The following C10orf90 variants were observed in gnomAD, a reference collection of about 807,000 sequenced individuals.
The protein encoded by C10orf90 is chromosome 10 open reading frame 90.
In C10orf90, 56 loss-of-function variants were observed where a neutral mutation model predicts 62.5. That is an observed-to-expected ratio of 0.90 (90% confidence interval 0.72 to 1.12). The LOEUF is 1.12. C10orf90 is among the 50% of genes most tolerant of loss of function. The pLI, the probability that C10orf90 is intolerant of heterozygous loss-of-function variation, is 0.00. For synonymous variants in C10orf90, 386 were observed against 340.4 expected (o/e 1.13, Z -1.47); for missense variants, 970 against 880.4 (o/e 1.10, Z -1.29).
intron 1 of C10orf90, among the ~76,000 whole-genome samples, chr10:126,661,074 C>T (rs745912959): frequency 2.0e-5 from 3 of 152,192 alleles, no homozygotes; most frequent in Non-Finnish European, 2.9e-5. Flanking sequence ...ACTCCTCCCC[C>T]ACATTCTTTC....
At chr10:126,536,567 T>A (rs983409734) in intron 2 of C10orf90, among the ~76,000 whole-genome samples, 3 of 152,106 alleles carry the variant, frequency 2.0e-5, no homozygotes, top group African/African-American at 4.8e-5. Flanking sequence ...CCAGACTGCC[T>A]GACTCCAGAC....
intron 4 of C10orf90, among the ~76,000 whole-genome samples, chr10:126,468,242 T>A (rs983573505): frequency 2.0e-5 from 3 of 152,146 alleles, no homozygotes; most frequent in Admixed American, 6.5e-5. Context: ...CTAATTTTTG[T>A]ATTTTTAGTG....
At chr10:126,621,188 G>A (rs544876801) in intron 2 of C10orf90, among the ~76,000 whole-genome samples, 56 of 152,160 alleles carry the variant, frequency 3.7e-4, no homozygotes, top group Middle Eastern at 3.4e-3. Context: ...TGGACTCTAC[G>A]ACTTTACATA....
chr10:126,496,584 T>G, intron 4 of C10orf90: 1 of 854,556 alleles, frequency 1.2e-6, no homozygotes, highest in Non-Finnish European at 1.4e-6. Flanking sequence ...TTTGAGACAT[T>G]TCCCCCGCCA....
intron 1 of C10orf90, among the ~76,000 whole-genome samples, chr10:126,649,009 GAT>G (rs1483362829): frequency 2.5e-4 from 34 of 137,496 alleles, no homozygotes; most frequent in Non-Finnish European, 3.5e-4. Context: ...GATCACAGAT[GAT>G]ATCTCTCTCT....
chr10:126,646,126 A>G (rs1436562592), intron 2 of C10orf90, among the ~76,000 whole-genome samples: 1 of 152,226 alleles, frequency 6.6e-6, no homozygotes, highest in Non-Finnish European at 1.5e-5. Context: ...TAACCATCTC[A>G]CCTAGCGTTT....
intron 2 of C10orf90, chr10:126,521,150 GC>G (rs1863721993): frequency 1.3e-6 from 1 of 786,784 alleles, no homozygotes; most frequent in Non-Finnish European, 2.0e-6. Flanking sequence ...CCCCAAGTTG[GC>G]CCAGGTCTTT....
intron 7 of C10orf90, among the ~76,000 whole-genome samples, chr10:126,443,820 C>A (rs1858561088): frequency 6.6e-6 from 1 of 151,988 alleles, no homozygotes; most frequent in African/African-American, 2.4e-5. Context: ...AAAAGATAAG[C>A]CACTATGATC....
intron 7 of C10orf90, among the ~76,000 whole-genome samples, chr10:126,455,146 C>T (rs539172634): frequency 6.6e-6 from 1 of 152,158 alleles, no homozygotes; most frequent in Non-Finnish European, 1.5e-5. Context: ...CTACCAGCTC[C>T]CAGCCTTGCT....
chr10:126,640,274 A>G (rs1037545801), intron 2 of C10orf90, among the ~76,000 whole-genome samples: 1 of 152,256 alleles, frequency 6.6e-6, no homozygotes, highest in African/African-American at 2.4e-5. Flanking sequence ...GGAGCAGGTC[A>G]GAAGCCTGTT....
intron 2 of C10orf90, chr10:126,521,390 G>T (rs4962342): frequency 0.86 from 1,379,873 of 1,609,092 alleles, 592,387 homozygotes; most frequent in African/African-American, 0.96. Context: ...TGTATTTGGC[G>T]ACATGAAAGA....
At chr10:126,632,632 T>G (rs1010746843) in intron 2 of C10orf90, among the ~76,000 whole-genome samples, 2 of 152,072 alleles carry the variant, frequency 1.3e-5, no homozygotes, top group African/African-American at 4.8e-5. Context: ...AGCATGGCAA[T>G]AGGGGCTCCA....
At chr10:126,485,977 T>G (rs1323899814) in intron 4 of C10orf90, among the ~76,000 whole-genome samples, 1 of 151,276 alleles carries the variant, frequency 6.6e-6, no homozygotes, top group African/African-American at 2.4e-5. Context: ...GAAATAAGTA[T>G]AAAGACATGT....
At position 126,504,848 on chromosome 10, in the gene C10orf90, G is replaced by C. The variant is rs760475354; in HGVS notation, c.643C>G (p.Pro215Ala). The C allele has an allele frequency of 2.8e-5, 45 of 1,610,606 alleles. No individual in the cohort carries two copies. The East Asian group carries it at 6.0e-4, about 22-fold the overall frequency. Reference sequence around the variant, plus strand: ...TCTTTGGGCGGCAGCTCTGCCTCAGGTCCTCGCTCATCTGACGGTGCCGGG... The same window carrying C: ...TCTTTGGGCGGCAGCTCTGCCTCAGCTCCTCGCTCATCTGACGGTGCCGGG... Reference protein sequence around the residue: ...GIPAPSDERGPEAELPPKEER... With the variant: ...GIPAPSDERGAEAELPPKEER... The change falls in exon 4 of 10, where the codon CCT becomes GCT. Residue 215 changes from proline to alanine, a missense_variant. Coordinates refer to ENST00000488181, the MANE Select transcript of C10orf90 (RefSeq NM_001350921.2). The surrounding 1 kb of genome is among the most constrained non-coding windows in gnomAD (Gnocchi z 4.1).
intron 3 of C10orf90, among the ~76,000 whole-genome samples, chr10:126,511,803 GTTTC>G: frequency 6.6e-6 from 1 of 152,038 alleles, no homozygotes; most frequent in Admixed American, 6.6e-5. Context: ...TTATTTATAT[GTTTC>G]TGTATTTTCC....
intron 2 of C10orf90, among the ~76,000 whole-genome samples, chr10:126,519,844 C>A (rs1053805054): frequency 1.1e-4 from 16 of 152,108 alleles, no homozygotes; most frequent in Non-Finnish European, 1.9e-4. Context: ...TGCCTTTGTG[C>A]CCTCTTCCCA....
intron 2 of C10orf90, among the ~76,000 whole-genome samples, chr10:126,525,766 C>T (rs140055731): frequency 7.8e-4 from 119 of 152,170 alleles, no homozygotes; most frequent in East Asian, 2.1e-3. Flanking sequence ...AACTCTCCAA[C>T]GGCTTATCAG....
chr10:126,617,501 A>G (rs1591148189), intron 2 of C10orf90, among the ~76,000 whole-genome samples: 1 of 152,332 alleles, frequency 6.6e-6, no homozygotes, highest in East Asian at 1.9e-4. Flanking sequence ...TGGGATCCTC[A>G]GCTTCTCTCA....
At chr10:126,565,697 G>A (rs1435404279) in intron 2 of C10orf90, among the ~76,000 whole-genome samples, 1 of 151,892 alleles carries the variant, frequency 6.6e-6, no homozygotes, top group African/African-American at 2.4e-5. Flanking sequence ...AGGATGAAAA[G>A]AGGCCATCCC....
Sources: gnomAD v4.1 joint callset for allele counts (sites outside exome capture counted in the v4.1 genomes callset) on GRCh38, gnomAD v4.1.1 for gene constraint, Gnocchi (gnomAD v3.1) non-coding constraint, MANE v1.5 for transcripts, NCBI Gene and HGNC (gene_info 2026-07-23, HGNC 2026-07-21) for gene names.